HOXD13: variants seen among roughly 807,000 people sequenced by gnomAD.
The protein encoded by HOXD13 is homeobox protein Hox-D13.
Under a neutral mutation model 27.3 loss-of-function variants are expected in HOXD13, and 16 were observed. The ratio of observed to expected loss-of-function variants is 0.59; its 90% CI spans 0.40 to 0.89. The LOEUF (loss-of-function observed/expected upper bound fraction) is 0.89. HOXD13 is among the 40% of genes least tolerant of loss of function. HOXD13 has a pLI of 0.00. For synonymous variants in HOXD13, 241 were observed against 219.0 expected, an observed-to-expected ratio of 1.10 and a Z score of -0.89; for missense variants, 481 against 482.6, an observed-to-expected ratio of 1.00 and a Z score of 0.03.
upstream of HOXD13, among the ~76,000 whole-genome samples, chr2:176,092,508 G>A (rs1689335115): frequency 6.6e-6 from 1 of 151,266 alleles, no homozygotes; most frequent in South Asian, 2.1e-4. Context: ...ACCCTGCAAG[G>A]GGCAGGAGAG....
chr2:176,089,837 G>T (rs1010954404), upstream of HOXD13, among the ~76,000 whole-genome samples: 3 of 152,188 alleles, frequency 2.0e-5, no homozygotes, highest in African/African-American at 7.2e-5. Context: ...GAAGACACAC[G>T]TTTGGAGACA....
chr2:176,094,502 G>C lies in HOXD13; in HGVS notation c.804G>C (p.Pro268=), dbSNP rs747071040. 3 of 1,613,876 alleles carry C rather than the reference G, an allele frequency of 1.9e-6. No individual in the cohort carries two copies. The highest frequency in any genetic ancestry group is 2.5e-6 in the Non-Finnish European group (3 of 1,179,986). Residue 268 remains proline (P), a synonymous_variant, in exon 2 of 2, where the codon CCG becomes CCC. Transcript: ENST00000392539. ...SFPGDVALNQ[P]DMCVYRRGRK... ...CAGGGGATGTGGCTCTAAATCAGCC[G>C]GACATGTGCGTCTACCGAAGAGGGA...
chr2:176,094,346 G>A (rs1574943691), intron 1 of HOXD13, 134 bp from the exon 2 acceptor site: 2 of 859,236 alleles, frequency 2.3e-6, no homozygotes, highest in East Asian at 5.2e-5. Context: ...AGACCAAACA[G>A]CATGGCATTT....
At chr2:176,088,247 ACT>A (rs1689271024), upstream of HOXD13, among the ~76,000 whole-genome samples, 1 of 152,112 alleles carries the variant, frequency 6.6e-6, no homozygotes, top group Non-Finnish European at 1.5e-5. Context: ...ATAAGGGAAG[ACT>A]CAGATTTCGA....
Position 176,093,040 on chromosome 2 carries a change from C to T in HOXD13, c.150C>T (p.Ala50=), listed in dbSNP as rs1007003765. 3.6e-6 allele frequency: 5 copies of T among 1,384,204 alleles called. No homozygotes were observed. Among genetic ancestry groups the T allele is most frequent in the Non-Finnish European group, 3.7e-6 (4 of 1,078,622 alleles). 85.7% of individuals were successfully genotyped at this position (1,384,204 alleles called of 1,614,324 possible). A position where few individuals can be genotyped will look rare whatever the true frequency, so the allele number is the denominator to read the frequency against. The change falls in exon 1 of 2, where the codon GCC becomes GCT. Residue 50 remains alanine (A), a synonymous_variant. Transcript: ENST00000392539. ...GCTTTCTCTCCGCGCCTGTGTTCGCCGGGACGCATTCGGGGCGGGCGGCGG... is the reference window on the plus strand; with the variant it reads ...GCTTTCTCTCCGCGCCTGTGTTCGCTGGGACGCATTCGGGGCGGGCGGCGG... ...CRGFLSAPVF[A]GTHSGRAAAA... is the part of the protein sequence containing the mutation.
chr2:176,092,004 C>A (rs1330931543), upstream of HOXD13, among the ~76,000 whole-genome samples: 1 of 152,060 alleles, frequency 6.6e-6, no homozygotes, highest in African/African-American at 2.4e-5. Context: ...ATGGACTTTT[C>A]TTTCTGGGAC....
upstream of HOXD13, among the ~76,000 whole-genome samples, chr2:176,090,778 G>A (rs149857063): frequency 4.6e-5 from 7 of 152,286 alleles, no homozygotes; most frequent in African/African-American, 1.4e-4. Context: ...GCATTTCATG[G>A]TGGCCCATGG....
At position 176,093,610 on chromosome 2, in the gene HOXD13, C is replaced by T; in HGVS notation, c.720C>T (p.Ser240=). ...GGACGCTGGCTAACGGGTGGAACAG[C>T]CAGGTGTACTGCACCAAGGACCAGC... ...QSWTLANGWN[S]QVYCTKDQPQ... is the part of the protein sequence containing the mutation. The change falls in exon 1 of 2, where the codon AGC becomes AGT. Residue 240 remains serine (S), a synonymous_variant. Transcript: ENST00000392539. 6.2e-7 allele frequency: 1 copy of T among 1,613,468 alleles called. No individual in the cohort carries two copies. The highest frequency in any genetic ancestry group is 1.1e-5 in the South Asian group (1 of 91,068).
At position 176,092,914 on chromosome 2, in the gene HOXD13, C is replaced by A; in HGVS notation, c.24C>A (p.Asp8Glu). 1.5e-6 allele frequency: 2 copies of A among 1,317,396 alleles called. No homozygotes were observed. Among genetic ancestry groups the A allele is most frequent in the Non-Finnish European group, 1.9e-6 (2 of 1,037,068 alleles). The allele number at this position is 1,317,396 out of a possible 1,614,324, so 81.6% of individuals were successfully genotyped here. ...CCATGAGCCGCGCCGGGAGCTGGGA[C>A]ATGGACGGGCTGCGGGCAGACGGCG... MSRAGSWDMDGLRADGGG... is the reference protein window; with the variant it reads MSRAGSWEMDGLRADGGG... The change falls in exon 1 of 2, where the codon GAC (aspartate) becomes GAA (glutamate). Residue 8 changes from aspartate to glutamate, a missense_variant. Physicochemically the swap from Asp to Glu is conservative, Grantham distance 45. Transcript: ENST00000392539.
At position 176,095,882 on chromosome 2, in the gene HOXD13, T is replaced by C. The variant is rs767114601; in HGVS notation, c.*1152T>C. 2 of 199,978 alleles carry C rather than the reference T, an allele frequency of 1.0e-5. No homozygotes were observed. Among genetic ancestry groups the C allele is most frequent in the Non-Finnish European group, 2.1e-5 (2 of 97,070 alleles). 12.4% of individuals were successfully genotyped at this position (199,978 alleles called of 1,614,324 possible). A position where few individuals can be genotyped will look rare whatever the true frequency, so the allele number is the denominator to read the frequency against. On this transcript the variant is annotated 3_prime_UTR_variant, in exon 2 of 2. Transcript: ENST00000392539. ...GGATACATGGGCAGTGCTTCAGACA[T>C]TTAAAAATCACTTTTTACTCCTAGG...
At chr2:176,088,666 G>C (rs925386162), upstream of HOXD13, among the ~76,000 whole-genome samples, 3 of 152,202 alleles carry the variant, frequency 2.0e-5, no homozygotes, top group Non-Finnish European at 4.4e-5. Flanking sequence ...ATGGAGATAG[G>C]TAGGTAGACA....
chr2:176,087,507 G>A, the HOXD13 span, among the ~76,000 whole-genome samples: 1 of 152,204 alleles, frequency 6.6e-6, no homozygotes, highest in Non-Finnish European at 1.5e-5. Flanking sequence ...CGCCTGTCTC[G>A]ACCTTCCAAA....
chr2:176,088,871 C>T (rs1689281023), upstream of HOXD13, among the ~76,000 whole-genome samples: 4 of 152,208 alleles, frequency 2.6e-5, no homozygotes, highest in African/African-American at 4.8e-5. Flanking sequence ...TCCTGCCCCA[C>T]CCTCCTGCGT....
intron 1 of HOXD13, 83 bp from the exon 2 acceptor site, chr2:176,094,385 GCACACACACACA>G (rs10649769): frequency 2.6e-5 from 31 of 1,202,200 alleles, no homozygotes; most frequent in South Asian, 5.1e-5. Context: ...CCCTGCAAAC[GCACACACACACA>G]CACACACACA....
chr2:176,094,325 G>C (rs957315134), intron 1 of HOXD13, among the ~76,000 whole-genome samples, 155 bp from the exon 2 acceptor site: 4 of 151,110 alleles, frequency 2.6e-5, no homozygotes, highest in Admixed American at 2.6e-4. Flanking sequence ...TTATGTCTAT[G>C]TACATAATAA....
chr2:176,090,456 T>C (rs1689303209), upstream of HOXD13, among the ~76,000 whole-genome samples: 1 of 152,246 alleles, frequency 6.6e-6, no homozygotes, highest in South Asian at 2.1e-4. Flanking sequence ...ATTTGCTGAA[T>C]GGAAAATTCA....
chr2:176,093,022 C>A lies in HOXD13; in HGVS notation c.132C>A (p.Leu44=). 1 of 1,387,114 alleles carries A rather than the reference C, an allele frequency of 7.2e-7. No individual in the cohort carries two copies. Among genetic ancestry groups the A allele is most frequent in the Non-Finnish European group, 9.3e-7 (1 of 1,077,988 alleles). 85.9% of individuals were successfully genotyped at this position (1,387,114 alleles called of 1,614,324 possible). ...AAASGQCRGF[L]SAPVFAGTHS... ...CGTCAGGCCAGTGCCGCGGCTTTCT[C>A]TCCGCGCCTGTGTTCGCCGGGACGC... The change falls in exon 1 of 2, where the codon CTC becomes CTA. Residue 44 remains leucine (L), a synonymous_variant. Coordinates refer to ENST00000392539, the MANE Select transcript of HOXD13 (RefSeq NM_000523.4).
Position 176,094,816 on chromosome 2 carries a change from T to TC in HOXD13, c.*92dup. ...GGAAAGACTTGAATATGTATTTAATTCCCCCCACCCCCTGCCAATGGTGGC... is the reference window on the plus strand; with the variant it reads ...GGAAAGACTTGAATATGTATTTAATTCCCCCCCACCCCCTGCCAATGGTGGC... On this transcript the variant is annotated 3_prime_UTR_variant, in exon 2 of 2. Transcript: ENST00000392539. The TC allele has an allele frequency of 4.1e-6, 5 of 1,222,714 alleles. No individual in the cohort carries two copies. The South Asian group carries it at 4.9e-5, about 12-fold the overall frequency. 75.7% of individuals were successfully genotyped at this position (1,222,714 alleles called of 1,614,324 possible). A position where few individuals can be genotyped will look rare whatever the true frequency, so the allele number is the denominator to read the frequency against.
At chr2:176,092,229 C>T (rs1689330584), upstream of HOXD13, among the ~76,000 whole-genome samples, 1 of 152,104 alleles carries the variant, frequency 6.6e-6, no homozygotes, top group Non-Finnish European at 1.5e-5. Flanking sequence ...GTCTAGAAGT[C>T]GACTAACTGA....
Sources: allele counts gnomAD v4.1 joint callset (sites outside exome capture counted in the v4.1 genomes callset), GRCh38; gene constraint gnomAD v4.1.1; transcripts MANE v1.5; gene names NCBI Gene and HGNC (gene_info 2026-07-23, HGNC 2026-07-21).